DNAH5: variants seen among roughly 807,000 people sequenced by gnomAD.
DNAH5 encodes axonemal beta dynein heavy chain 5.
A neutral mutation model predicts 518.2 loss-of-function variants in DNAH5; 372 were observed. The ratio of observed to expected loss-of-function variants is 0.72; its 90% CI spans 0.66 to 0.78. The LOEUF is 0.78. Ranked by LOEUF, DNAH5 falls within the 30% of genes least tolerant of loss-of-function variation. DNAH5 has a pLI of 0.00. For synonymous variants in DNAH5, 2,039 were observed against 2,025.9 expected (o/e 1.01, Z -0.17); for missense variants, 5,523 against 5,687.0 (o/e 0.97, Z 0.93).
intron 75 of DNAH5, among the ~76,000 whole-genome samples, chr5:13,713,440 T>TATATATATATATATATATACATCGAC (rs1743855190): frequency 8.6e-6 from 1 of 115,734 alleles, no homozygotes; most frequent in African/African-American, 3.9e-5. Flanking sequence ...TCGACATATA[T>TATATATATATATATATATACATCGAC]ATATATATAT....
chr5:13,822,685 G>C (rs16902779), intron 40 of DNAH5, among the ~76,000 whole-genome samples: 2 of 151,994 alleles, frequency 1.3e-5, no homozygotes, highest in Non-Finnish European at 2.9e-5. Flanking sequence ...TAAGGTTTAC[G>C]TAATTAATTT....
At position 13,754,201 on chromosome 5, in the gene DNAH5, AC is replaced by A; in HGVS notation, c.10555+1del. ...ATCTCATTAATAAAGAAATTTACATACCTACAAGTCTTTTAGTTTGTGCAGC... is the reference window on the plus strand; with the variant it reads ...ATCTCATTAATAAAGAAATTTACATACTACAAGTCTTTTAGTTTGTGCAGC... On this transcript the variant is annotated splice_donor_variant, in intron 62 of 78. Transcript: ENST00000265104. LOFTEE classifies it high-confidence loss of function. 1 of 1,614,038 alleles carries A rather than the reference AC, an allele frequency of 6.2e-7. No individual in the cohort carries two copies. Among genetic ancestry groups the A allele is most frequent in the South Asian group, 1.1e-5 (1 of 91,080 alleles).
chr5:13,886,037 C>T lies in DNAH5; in HGVS notation c.2670G>A (p.Val890=), dbSNP rs1772381351. The T allele has an allele frequency of 6.2e-7, 1 of 1,612,140 alleles. No individual in the cohort carries two copies. Among genetic ancestry groups the T allele is most frequent in the African/African-American group, 1.3e-5 (1 of 74,534 alleles). The part of the protein sequence containing the change: ...VNELVNMLLD[V]EVLSEEESEK... ...CACTTTCTTCTTCAGATAAAACTTC[C>T]ACATCCAGCAACATATTTACAAGCT... is the stretch of plus-strand genomic sequence containing the variant. Residue 890 remains valine (V), a synonymous_variant, in exon 18 of 79, where the codon GTG becomes GTA. Coordinates refer to ENST00000265104, the MANE Select transcript of DNAH5 (RefSeq NM_001369.3).
In DNAH5 at chr5:13,922,207, T is replaced by A. The variant is rs1214362304; in HGVS notation, c.560A>T (p.Glu187Val). The A allele has an allele frequency of 6.8e-6, 11 of 1,613,816 alleles. No individual in the cohort carries two copies. Among genetic ancestry groups the A allele is most frequent in the Non-Finnish European group, 9.3e-6 (11 of 1,179,988 alleles). ...RATSHGWGEL[E>V]GLQDAANIRQ... ...AATGTTAGCTGCGTCCTGAAGGCCC[T>A]CGAGCTCGCCCCAGCCATGGCTCGT... Residue 187 changes from glutamate (E) to valine (V), a missense_variant, in exon 5 of 79, where the codon GAG becomes GTG. Physicochemically the swap from Glu to Val is moderately radical, Grantham distance 121. This residue lies in a region of DNAH5 where 5,121 missense variants were observed against 5,223.3 expected (regional missense o/e 0.98). Coordinates refer to ENST00000265104, the MANE Select transcript of DNAH5 (RefSeq NM_001369.3).
chr5:14,007,033 C>T (rs1469593732), intron 1 of DNAH5, among the ~76,000 whole-genome samples: 1 of 152,196 alleles, frequency 6.6e-6, no homozygotes, highest in Non-Finnish European at 1.5e-5. Flanking sequence ...GGACCAGGCC[C>T]TCCACGCCCT....
In DNAH5 at chr5:13,807,603, T is replaced by C. The variant is rs1759827098; in HGVS notation, c.7875A>G (p.Pro2625=). 1.2e-6 allele frequency: 2 copies of C among 1,613,700 alleles called. No individual in the cohort carries two copies. Among genetic ancestry groups the C allele is most frequent in the Non-Finnish European group, 1.7e-6 (2 of 1,179,804 alleles). Residue 2625 remains proline (P), a synonymous_variant, in exon 47 of 79, where the codon CCA becomes CCG. Transcript: ENST00000265104. ...AAAGAGCCAGTACCTGGAACATCAG[T>C]GGGGTGGTTGCAGAAGAAAAATTCA... is the stretch of plus-strand genomic sequence containing the variant. ...KSLNFSSATT[P]LMFQRTIESY... is the part of the protein sequence containing the mutation.
chr5:13,806,398 A>G (rs1759590036), intron 47 of DNAH5, among the ~76,000 whole-genome samples: 1 of 152,184 alleles, frequency 6.6e-6, no homozygotes, highest in South Asian at 2.1e-4. Context: ...TGACAGTCTT[A>G]TTTAGAAGTT....
intron 40 of DNAH5, among the ~76,000 whole-genome samples, chr5:13,822,601 A>G (rs1762370710): frequency 6.6e-6 from 1 of 152,246 alleles, no homozygotes; most frequent in South Asian, 2.1e-4. Flanking sequence ...TGCAATTTAT[A>G]AATATGAGCT....
intron 25 of DNAH5, among the ~76,000 whole-genome samples, chr5:13,866,715 A>T (rs558792425): frequency 6.6e-6 from 1 of 152,312 alleles, no homozygotes; most frequent in African/African-American, 2.4e-5. Context: ...AAAATCTTAA[A>T]TATGTGGATT....
At chr5:13,781,151 G>A (rs571780351) in intron 52 of DNAH5, among the ~76,000 whole-genome samples, 192 bp from the exon 53 acceptor site, 31 of 152,260 alleles carry the variant, frequency 2.0e-4, no homozygotes, top group East Asian at 5.8e-4. Context: ...TGCATCAGAC[G>A]GGGTGGGAAC....
chr5:13,850,746 T>C lies in DNAH5; in HGVS notation c.5020A>G (p.Ser1674Gly). ...TCTCCAACACAGCACTGGACTACACTGGGCACTTCATGTGCCCGAGTCATG... is the reference window on the plus strand; with the variant it reads ...TCTCCAACACAGCACTGGACTACACCGGGCACTTCATGTGCCCGAGTCATG... Reference protein sequence around the residue: ...KIMTRAHEVPSVVQCCVGDET... With the variant: ...KIMTRAHEVPGVVQCCVGDET... The change falls in exon 31 of 79, where the codon AGT (serine) becomes GGT (glycine). Residue 1674 changes from serine to glycine, a missense_variant. Ser to Gly is a moderately conservative substitution (Grantham distance 56, BLOSUM62 0). Around this residue, in one of 3 missense-constraint regions of DNAH5, gnomAD observed 5,121 missense variants for 5,223.3 expected, o/e 0.98. Coordinates refer to ENST00000265104, the MANE Select transcript of DNAH5 (RefSeq NM_001369.3). 1.9e-6 allele frequency: 3 copies of C among 1,613,840 alleles called. No individual in the cohort carries two copies. Among genetic ancestry groups the C allele is most frequent in the Non-Finnish European group, 2.5e-6 (3 of 1,179,730 alleles).
rs1401869735 is a variant in DNAH5 at position 13,717,287 on chromosome 5, A to C, written c.12705+28T>G. 5.6e-6 allele frequency: 9 copies of C among 1,602,710 alleles called. No individual in the cohort carries two copies. The African/African-American group carries it at 1.2e-4, about 21-fold the overall frequency. On this transcript the variant is annotated intron_variant, in intron 73 of 78. Coordinates refer to ENST00000265104, the MANE Select transcript of DNAH5 (RefSeq NM_001369.3). ...GATGGCCCAAGCCCACAGCCACTAG[A>C]GGCATGAGGCAGCATGCGCGGCAGT...
In DNAH5 at chr5:13,955,156, C is replaced by T. The variant is rs537916908; in HGVS notation, c.13-23912G>A. Among the ~76,000 whole-genome samples, 8 of 152,224 alleles carry T rather than the reference C, an allele frequency of 5.3e-5. No homozygotes were observed. In the East Asian group the frequency reaches 5.8e-4, roughly 11 times the overall value. On this transcript the variant is annotated intron_variant, in intron 1 of 78. Transcript: ENST00000681290. ...GCACCGTCCCCCAACTGCTGTCTCG[C>T]GATTGAGGTCTCACAAGAACTGGTT...
intron 52 of DNAH5, among the ~76,000 whole-genome samples, chr5:13,785,693 G>T (rs1488564299): frequency 6.6e-6 from 1 of 152,036 alleles, no homozygotes; most frequent in African/African-American, 2.4e-5. Flanking sequence ...ACCCAACCCT[G>T]GAATTCTCCA....
chr5:13,753,719 A>G (rs1472035836), intron 62 of DNAH5, among the ~76,000 whole-genome samples, 170 bp from the exon 63 acceptor site: 1 of 152,214 alleles, frequency 6.6e-6, no homozygotes, highest in Non-Finnish European at 1.5e-5. Flanking sequence ...AGTCTGGTTT[A>G]TTAGTCAATA....
chr5:13,828,882 C>T (rs1437786079), intron 38 of DNAH5, among the ~76,000 whole-genome samples: 1 of 152,192 alleles, frequency 6.6e-6, no homozygotes, highest in Non-Finnish European at 1.5e-5. Flanking sequence ...AACCACAGGA[C>T]TCATTTCAGC....
At chr5:13,738,573 CTAT>C (rs2126628923) in intron 65 of DNAH5, among the ~76,000 whole-genome samples, 1 of 152,204 alleles carries the variant, frequency 6.6e-6, no homozygotes, top group South Asian at 2.1e-4. Context: ...CCTTGGAAGA[CTAT>C]TATCCTTATT....
At position 13,923,444 on chromosome 5, in the gene DNAH5, C is replaced by T; in HGVS notation, c.278-4G>A. 1.9e-6 allele frequency: 3 copies of T among 1,613,972 alleles called. 1 individual carries two copies. Among genetic ancestry groups the T allele is most frequent in the Non-Finnish European group, 2.5e-6 (3 of 1,179,964 alleles). ...CCTCCTAGAGAGCCAAGTTGTCCTACAAAAGCAAAATAATTTTAGTTTCAC... is the reference window on the plus strand; with the variant it reads ...CCTCCTAGAGAGCCAAGTTGTCCTATAAAAGCAAAATAATTTTAGTTTCAC... On this transcript the variant is annotated splice_region_variant and splice_polypyrimidine_tract_variant and intron_variant, in intron 3 of 78. Transcript: ENST00000265104.
rs565939224 is a variant in DNAH5 at position 13,900,386 on chromosome 5, C to T, written c.2079G>A (p.Glu693=). 8.1e-6 allele frequency: 13 copies of T among 1,614,052 alleles called. No individual in the cohort carries two copies. The Admixed American group carries it at 1.3e-4, about 17-fold the overall frequency. The change falls in exon 15 of 79, where the codon GAG becomes GAA. Residue 693 remains glutamate, a synonymous_variant. Coordinates refer to ENST00000265104, the MANE Select transcript of DNAH5 (RefSeq NM_001369.3). ...RQIEEIHVGL[E]ASLLVKAPGT... ...CTGGAGCCTTCACCAATAATGAAGC[C>T]TCAAGACCTACATGAATTTCTTCAA...
Sources: gnomAD v4.1 joint callset for allele counts (sites outside exome capture counted in the v4.1 genomes callset) on GRCh38, gnomAD v4.1.1 for gene constraint, gnomAD v4.1.1 regional missense constraint, MANE v1.5 for transcripts, NCBI Gene and HGNC (gene_info 2026-07-23, HGNC 2026-07-21) for gene names.